APP: variants seen among roughly 807,000 people sequenced by gnomAD.
APP encodes amyloid-beta precursor protein.
APP carries 31 observed loss-of-function variants against 101.4 expected under a neutral mutation model. The ratio of observed to expected loss-of-function variants is 0.31; its 90% CI spans 0.23 to 0.41. APP has a LOEUF of 0.41. Ranked by LOEUF, APP falls within the 10% of genes least tolerant of loss-of-function variation. APP has a pLI of 1.00. For synonymous variants in APP, 366 were observed against 364.4 expected (o/e 1.00, Z -0.05); for missense variants, 839 against 1,003.7 (o/e 0.84, Z 2.22).
In APP at chr21:25,982,467, T is replaced by G; in HGVS notation, c.1101A>C (p.Thr367=). The G allele has an allele frequency of 6.2e-7, 1 of 1,613,748 alleles. No individual in the cohort carries two copies. Among genetic ancestry groups the G allele is most frequent in the Non-Finnish European group, 8.5e-7 (1 of 1,179,842 alleles). The change falls in exon 9 of 18, where the codon ACA becomes ACC. Residue 367 remains threonine (T), a synonymous_variant. Coordinates refer to ENST00000346798, the MANE Select transcript of APP (RefSeq NM_000484.4). ...CAACGGCATCAGGGGTACTGGCTGC[T>G]GTTGTAGGAACTATAAAGTAGAAGA... is the stretch of plus-strand genomic sequence containing the variant. The part of the protein sequence containing the change: ...LARDPVKLPT[T]AASTPDAVDK...
rs58956645 is a variant in APP at position 25,910,889 on chromosome 21, A to G, written c.1909+852T>C. 6.0e-3 allele frequency among the ~76,000 whole-genome samples: 914 copies of G among 152,344 alleles called. 17 individuals carry two copies. Among genetic ancestry groups the G allele is most frequent in the African/African-American group, 0.021 (855 of 41,574 alleles). ...TTCATGTAAGAATAAGTAGCCAGTG[A>G]AGACTACTTTGGTGCCTGTCAAATC... On this transcript the variant is annotated intron_variant, in intron 14 of 17. Coordinates refer to ENST00000346798, the MANE Select transcript of APP (RefSeq NM_000484.4).
chr21:25,930,586 T>TTATATATATATATATA (rs34986093), intron 13 of APP, among the ~76,000 whole-genome samples: 55 of 150,144 alleles, frequency 3.7e-4, no homozygotes, highest in African/African-American at 1.3e-3. Context: ...ATAGCACAAA[T>TTATATATATATATATA]TATATATATA....
chr21:26,110,648 C>A (rs1333542132), intron 2 of APP, among the ~76,000 whole-genome samples: 1 of 151,838 alleles, frequency 6.6e-6, no homozygotes, highest in Non-Finnish European at 1.5e-5. Context: ...AAACAGAGCG[C>A]TATCAAAACA....
chr21:25,924,618 G>A (rs985776422), intron 13 of APP, among the ~76,000 whole-genome samples: 1 of 150,070 alleles, frequency 6.7e-6, no homozygotes, highest in Admixed American at 6.7e-5. Context: ...GTCCAGGGGT[G>A]GGGTGAAAGG....
intron 1 of APP, among the ~76,000 whole-genome samples, chr21:26,133,174 G>A (rs2062829312): frequency 6.6e-6 from 1 of 152,148 alleles, no homozygotes; most frequent in Non-Finnish European, 1.5e-5. Context: ...GCAGGTCAAG[G>A]CTGCAGTCAG....
At chr21:25,903,107 C>A (rs1318267998) in intron 15 of APP, among the ~76,000 whole-genome samples, 1 of 151,896 alleles carries the variant, frequency 6.6e-6, no homozygotes, top group African/African-American at 2.4e-5. Flanking sequence ...GTGCTTATGC[C>A]TGTAATCCCA....
At chr21:25,950,825 CA>C (rs1169753479) in intron 13 of APP, among the ~76,000 whole-genome samples, 1 of 151,994 alleles carries the variant, frequency 6.6e-6, no homozygotes, top group Non-Finnish European at 1.5e-5. Context: ...CACATGAACA[CA>C]GAAGGCCAAA....
chr21:25,988,702 C>CAAAAAAAAAAAAAAAAAAAAAA (rs537417600), intron 8 of APP, among the ~76,000 whole-genome samples: 7 of 62,362 alleles, frequency 1.1e-4, no homozygotes, highest in African/African-American at 3.8e-4. Context: ...AACTCTGTCT[C>CAAAAAAAAAAAAAAAAAAAAAA]AAAAAAAAAA....
intron 11 of APP, among the ~76,000 whole-genome samples, chr21:25,967,426 T>C (rs1363872114): frequency 6.6e-6 from 1 of 152,218 alleles, no homozygotes; most frequent in Admixed American, 6.5e-5. Context: ...TCATGATAAC[T>C]GTCTGATGAA....
chr21:25,882,355 G>A (rs894664408), intron 17 of APP, among the ~76,000 whole-genome samples: 2 of 148,940 alleles, frequency 1.3e-5, no homozygotes, highest in Admixed American at 6.8e-5. Context: ...TACCAAAGGG[G>A]GCTATTATTT....
intron 13 of APP, among the ~76,000 whole-genome samples, chr21:25,948,004 C>CAA (rs34371241): frequency 0.39 from 27,470 of 70,720 alleles, 4,991 homozygotes; most frequent in African/African-American, 0.54. Flanking sequence ...GACTCCATCT[C>CAA]AAAAAAAAAA....
chr21:26,150,626 T>TAGAC (rs1555884295), intron 1 of APP, among the ~76,000 whole-genome samples: 9 of 149,900 alleles, frequency 6.0e-5, no homozygotes, highest in East Asian at 2.0e-4. Flanking sequence ...GACAGATAGA[T>TAGAC]AGACAGACAG....
chr21:25,893,109 C>G (rs1044577823), intron 16 of APP, among the ~76,000 whole-genome samples: 5 of 152,154 alleles, frequency 3.3e-5, no homozygotes, highest in Non-Finnish European at 7.3e-5. Context: ...GTTTGGTGAT[C>G]TGTGATCAGT....
At chr21:26,146,125 AG>A (rs1205739335) in intron 1 of APP, among the ~76,000 whole-genome samples, 1 of 152,262 alleles carries the variant, frequency 6.6e-6, no homozygotes, top group African/African-American at 2.4e-5. Context: ...ACTTGAGGTC[AG>A]GAATTCGAGA....
chr21:25,897,760 A>G (rs2038175566), intron 15 of APP, 87 bp from the exon 16 acceptor site: 1 of 1,129,056 alleles, frequency 8.9e-7, no homozygotes, highest in Non-Finnish European at 1.3e-6. Context: ...CCTACCCAAA[A>G]CTTCTTTCTA....
chr21:25,974,109 T>G (rs779789196), intron 11 of APP, among the ~76,000 whole-genome samples: 1 of 152,064 alleles, frequency 6.6e-6, no homozygotes, highest in African/African-American at 2.4e-5. Context: ...AAACCATGAA[T>G]AAGTCTCATC....
chr21:26,018,002 C>T (rs898916887), intron 6 of APP, among the ~76,000 whole-genome samples: 17 of 152,048 alleles, frequency 1.1e-4, no homozygotes, highest in African/African-American at 3.6e-4. Context: ...TGGAGTGCAG[C>T]GGATGTGCTT....
At chr21:26,005,844 A>G (rs2043508219) in intron 6 of APP, among the ~76,000 whole-genome samples, 1 of 152,208 alleles carries the variant, frequency 6.6e-6, no homozygotes, top group South Asian at 2.1e-4. Flanking sequence ...CAGCCACTAA[A>G]TGTAGAGGAT....
At chr21:25,959,160 C>T (rs959655230) in intron 11 of APP, among the ~76,000 whole-genome samples, 15 of 152,330 alleles carry the variant, frequency 9.8e-5, no homozygotes, top group Middle Eastern at 3.4e-3. Context: ...ACAGGCCAGG[C>T]GCCGTGGCTC....
Sources: gnomAD v4.1 joint callset for allele counts (sites outside exome capture counted in the v4.1 genomes callset) on GRCh38, gnomAD v4.1.1 for gene constraint, MANE v1.5 for transcripts, NCBI Gene and HGNC (gene_info 2026-07-23, HGNC 2026-07-21) for gene names.